Variants in ACOT7 observed in about 807,000 individuals in gnomAD.
The protein encoded by ACOT7 is acyl-CoA thioesterase 7.
Under a neutral mutation model 40.2 loss-of-function variants are expected in ACOT7, and 12 were observed. That is an observed-to-expected ratio of 0.30 (90% CI 0.19 to 0.48). The LOEUF (loss-of-function observed/expected upper bound fraction) is 0.48. Ranked by LOEUF, ACOT7 falls within the 20% of genes least tolerant of loss-of-function variation. The pLI is 0.99. For missense variants in ACOT7, 395 were observed against 530.8 expected (o/e 0.74, Z 2.51); for synonymous variants, 228 against 219.5 (o/e 1.04, Z -0.34).
intron 1 of ACOT7, among the ~76,000 whole-genome samples, chr1:6,389,528 G>A (rs1050645290): frequency 1.3e-5 from 2 of 152,006 alleles, no homozygotes; most frequent in Non-Finnish European, 2.9e-5. Flanking sequence ...AGCCACAGGT[G>A]GCTACCCACC....
chr1:6,391,343 T>C (rs532669765), intron 1 of ACOT7, among the ~76,000 whole-genome samples: 2 of 151,994 alleles, frequency 1.3e-5, no homozygotes, highest in East Asian at 3.9e-4. Flanking sequence ...CCATCTCTAC[T>C]AAAAACACAA....
At chr1:6,392,814 A>G (rs1398306079) in intron 1 of ACOT7, among the ~76,000 whole-genome samples, 1 of 152,130 alleles carries the variant, frequency 6.6e-6, no homozygotes, top group African/African-American at 2.4e-5. Flanking sequence ...TGGTTAGCGC[A>G]GCACAACCGC....
intron 1 of ACOT7, among the ~76,000 whole-genome samples, chr1:6,361,727 G>T (rs2148466864): frequency 1.3e-5 from 2 of 152,306 alleles, no homozygotes; most frequent in Middle Eastern, 6.8e-3. Flanking sequence ...AACCCAGGAG[G>T]CGGAGGTTGC....
intron 2 of ACOT7, 117 bp from the exon 3 acceptor site, chr1:6,339,706 G>T: frequency 1.6e-6 from 2 of 1,213,030 alleles, no homozygotes; most frequent in African/African-American, 1.6e-5. Flanking sequence ...CACTGTGAAA[G>T]CAACCAATGT....
chr1:6,373,060 G>A lies in ACOT7; in HGVS notation c.143+20197C>T, dbSNP rs1027740228. Reference sequence around the variant, plus strand: ...ATTTCATTTGCTGTCTTACATGGACGTGGTTCGTGATGTCTCAAAACAATT... The same window carrying A: ...ATTTCATTTGCTGTCTTACATGGACATGGTTCGTGATGTCTCAAAACAATT... On this transcript the variant is annotated intron_variant, in intron 1 of 8. Transcript: ENST00000361521. 4.6e-5 allele frequency among the ~76,000 whole-genome samples: 7 copies of A among 152,184 alleles called. 1 individual carries two copies. Among genetic ancestry groups the A allele is most frequent in the East Asian group, 3.8e-4 (2 of 5,198 alleles).
chr1:6,382,079 A>C (rs1283401504), intron 1 of ACOT7, among the ~76,000 whole-genome samples: 3 of 149,482 alleles, frequency 2.0e-5, no homozygotes, highest in Middle Eastern at 3.5e-3. Flanking sequence ...CGGAGCTTGC[A>C]GTGAGCCAAG....
intron 4 of ACOT7, among the ~76,000 whole-genome samples, chr1:6,328,018 C>T (rs1007704182): frequency 5.9e-5 from 9 of 152,050 alleles, no homozygotes; most frequent in African/African-American, 1.7e-4. Flanking sequence ...GCGATCTGCC[C>T]GCCTCAGCCT....
intron 2 of ACOT7, among the ~76,000 whole-genome samples, chr1:6,348,059 G>C (rs1370110641): frequency 6.6e-6 from 1 of 151,910 alleles, no homozygotes; most frequent in Non-Finnish European, 1.5e-5. Context: ...CTTGGGACTT[G>C]GCCCTCACCC....
In ACOT7 at chr1:6,338,311, A is replaced by G. The variant is rs571799356; in HGVS notation, c.418+1122T>C. Among the ~76,000 whole-genome samples, 19 of 152,330 alleles carry G rather than the reference A, an allele frequency of 1.2e-4. No homozygotes were observed. The South Asian group carries it at 3.9e-3, about 32-fold the overall frequency. On this transcript the variant is annotated intron_variant, in intron 3 of 8. Coordinates refer to ENST00000361521, the MANE Select transcript of ACOT7 (RefSeq NM_007274.4). This position sits in a 1 kb window ranked among gnomAD's most constrained non-coding sequence, Gnocchi z 4.4. ...CACAGGAGATGGCAGGGAACCCCCA[A>G]GGCCCCTAAAGTGGGGAACCCACCC...
chr1:6,290,064 G>A (rs748064688), intron 7 of ACOT7, among the ~76,000 whole-genome samples: 1 of 152,216 alleles, frequency 6.6e-6, no homozygotes, highest in Admixed American at 6.5e-5. Context: ...TCCTGTGAGA[G>A]GGAGGCAGGA....
intron 6 of ACOT7, among the ~76,000 whole-genome samples, chr1:6,313,073 C>A (rs1437218136): frequency 6.6e-6 from 1 of 152,182 alleles, no homozygotes. Flanking sequence ...CCTGGGGTGA[C>A]CCCAGTGAGC....
chr1:6,393,349 G>A lies in ACOT7; in HGVS notation c.51C>T (p.Cys17=), dbSNP rs760764112. The stretch of plus-strand genomic sequence containing the variant: ...ATGCGGCGGGCGGCTGCAGAAGGGC[G>A]CAGGTGTCTGGCAGGCCCGGCGCGG... The part of the protein sequence containing the change: ...IHSAPGLPDT[C]ALLQPPAASA... The change falls in exon 1 of 9, where the codon TGC becomes TGT. Residue 17 remains cysteine, a synonymous_variant. Transcript: ENST00000361521. 6.4e-6 allele frequency: 8 copies of A among 1,249,292 alleles called. No individual in the cohort carries two copies. The highest frequency in any genetic ancestry group is 4.0e-5 in the Admixed American group (1 of 24,970). The allele number at this position is 1,249,292 out of a possible 1,614,324, so 77.4% of individuals were successfully genotyped here.
rs113594183 is a variant in ACOT7 at position 6,299,937 on chromosome 1, G to T, written c.713-4957C>A. Among the ~76,000 whole-genome samples the T allele has an allele frequency of 0.02, 3,046 of 152,272 alleles. 47 individuals are homozygous for T. The highest frequency in any genetic ancestry group is 0.031 in the Non-Finnish European group (2,134 of 68,012). On this transcript the variant is annotated intron_variant, in intron 6 of 8. Transcript: ENST00000361521. The surrounding 1 kb of genome is among the most constrained non-coding windows in gnomAD (Gnocchi z 4.1). ...GAAGCTCTGTCAGCCTCCAATGGGG[G>T]CCAGGACCAGCTGCATTTGCCATGA...
intron 1 of ACOT7, among the ~76,000 whole-genome samples, chr1:6,374,292 C>T (rs1172593981): frequency 6.6e-6 from 1 of 152,210 alleles, no homozygotes; most frequent in Non-Finnish European, 1.5e-5. Flanking sequence ...AAGAGCCCTG[C>T]CCAGCCAGGC....
At chr1:6,283,118 T>G (rs1223388433) in intron 7 of ACOT7, among the ~76,000 whole-genome samples, 1 of 152,246 alleles carries the variant, frequency 6.6e-6, no homozygotes, top group African/African-American at 2.4e-5. Context: ...GAGGGCAGGT[T>G]CCAGGGGTCT....
intron 4 of ACOT7, among the ~76,000 whole-genome samples, chr1:6,332,376 G>A (rs1640979420): frequency 6.6e-6 from 1 of 152,190 alleles, no homozygotes; most frequent in African/African-American, 2.4e-5. Context: ...GGAGAAGGAG[G>A]CGAGGGAGTA....
chr1:6,349,489 G>A (rs567753134), intron 2 of ACOT7, among the ~76,000 whole-genome samples: 4 of 152,370 alleles, frequency 2.6e-5, no homozygotes, highest in Non-Finnish European at 4.4e-5. Context: ...TCGGCATGGC[G>A]GGGAGTGGTG....
chr1:6,277,920 C>T (rs2148374548), intron 8 of ACOT7, among the ~76,000 whole-genome samples: 1 of 152,306 alleles, frequency 6.6e-6, no homozygotes, highest in Non-Finnish European at 1.5e-5. Context: ...ACATGGTGGG[C>T]ACCGTGTCCA....
At chr1:6,321,890 C>T (rs962295395) in intron 5 of ACOT7, among the ~76,000 whole-genome samples, 11 of 152,250 alleles carry the variant, frequency 7.2e-5, no homozygotes, top group Admixed American at 2.6e-4. Context: ...TTCATGCCGC[C>T]AATTTCTGGC....
Sources: gnomAD v4.1 joint callset for allele counts (sites outside exome capture counted in the v4.1 genomes callset) on GRCh38, gnomAD v4.1.1 for gene constraint, Gnocchi (gnomAD v3.1) non-coding constraint, MANE v1.5 for transcripts, NCBI Gene and HGNC (gene_info 2026-07-23, HGNC 2026-07-21) for gene names.